The following MID1 variants were observed in gnomAD, a reference collection of about 807,000 sequenced individuals.
MID1 encodes E3 ubiquitin-protein ligase Midline-1.
MID1 carries 7 observed loss-of-function variants against 40.4 expected under a neutral mutation model. The observed-to-expected ratio is 0.17, with a 90% confidence interval of 0.10 to 0.33. The LOEUF is 0.33. MID1 is among the 10% of genes least tolerant of loss of function. MID1 has a pLI of 1.00. For synonymous variants in MID1, 229 were observed against 221.2 expected, an observed-to-expected ratio of 1.04 and a Z score of -0.31; for missense variants, 367 against 558.5, an observed-to-expected ratio of 0.66 and a Z score of 3.46.
intron 3 of MID1, among the ~76,000 whole-genome samples, chrX:10,514,705 C>T (rs1018384937): frequency 2.7e-5 from 3 of 112,091 alleles, no homozygotes; most frequent in Non-Finnish European, 5.6e-5. Flanking sequence ...ACCAACAGTT[C>T]TTTTCTCCTT....
chrX:10,663,050 G>C lies in MID1; in HGVS notation c.-186-42631C>G, dbSNP rs779115410. ...TCTTTTTAAACTGTAACAATTAAAA[G>C]CATTTTGTGAGTGACCTAGGAACAC... On this transcript the variant is annotated intron_variant, in intron 1 of 10. Coordinates refer to the MID1 transcript ENST00000380785. Among the ~76,000 whole-genome samples, 4 of 111,894 alleles carry C rather than the reference G, an allele frequency of 3.6e-5. No individual in the cohort carries two copies. The South Asian group carries it at 1.5e-3, about 42-fold the overall frequency.
At chrX:10,832,142 C>T (rs964577871) in intron 1 of MID1, among the ~76,000 whole-genome samples, 5 of 112,554 alleles carry the variant, frequency 4.4e-5, no homozygotes, top group African/African-American at 1.6e-4. Context: ...ATTTTATTTA[C>T]TAAAGTGTCT....
intron 2 of MID1, among the ~76,000 whole-genome samples, chrX:10,563,983 T>C (rs1402568243): frequency 8.9e-6 from 1 of 112,481 alleles, no homozygotes; most frequent in African/African-American, 3.2e-5. Flanking sequence ...ATTGCAGAAT[T>C]CCCTTCTTCA....
At chrX:10,639,987 G>A (rs1017672957) in intron 1 of MID1, among the ~76,000 whole-genome samples, 1 of 111,486 alleles carries the variant, frequency 9.0e-6, no homozygotes, top group Non-Finnish European at 1.9e-5. Context: ...TCACCACCAG[G>A]CCTGCCTTAC....
chrX:10,643,271 A>G (rs979910241), intron 1 of MID1, among the ~76,000 whole-genome samples: 1 of 111,755 alleles, frequency 8.9e-6, no homozygotes, highest in African/African-American at 3.3e-5. Context: ...CCCATCTGAC[A>G]AAGGGCTAAT....
At chrX:10,734,417 CAGAAA>C (rs996374797) in intron 1 of MID1, among the ~76,000 whole-genome samples, 29 of 110,072 alleles carry the variant, frequency 2.6e-4, no homozygotes, top group Non-Finnish European at 3.6e-4. Context: ...GGGAGAGGAG[CAGAAA>C]AGAAAACTAT....
chrX:10,600,752 A>T (rs1935504284), intron 1 of MID1, among the ~76,000 whole-genome samples: 1 of 112,179 alleles, frequency 8.9e-6, no homozygotes, highest in South Asian at 3.7e-4. Context: ...TCTTTCTGTA[A>T]ATTACTTGTC....
rs991288942 is a variant in MID1 at position 10,792,726 on chromosome X, G to T, written c.-187+40828C>A. Among the ~76,000 whole-genome samples, 7 of 111,474 alleles carry T rather than the reference G, an allele frequency of 6.3e-5. No homozygotes were observed. In the East Asian group the frequency reaches 2.0e-3, roughly 31 times the overall value. On this transcript the variant is annotated intron_variant, in intron 1 of 10. Coordinates refer to the MID1 transcript ENST00000380785. The stretch of plus-strand genomic sequence containing the variant: ...AAAAAGCAGCTTAGTGGTTGCCAGG[G>T]GCTAGGGACGGGGAAGTGGGGAGTG...
Position 10,573,824 on chromosome X carries a change from G to A in MID1, c.-56-6221C>T, listed in dbSNP as rs185260091. ...GTCGAGAACCCCTTTCTGGAACCCG[G>A]TTTAGCACTGACAGTTCTTTGCTTC... is the stretch of plus-strand genomic sequence containing the variant. On this transcript the variant is annotated intron_variant, in intron 1 of 9. Coordinates refer to ENST00000317552, the MANE Select transcript of MID1 (RefSeq NM_000381.4). 1.5e-3 allele frequency among the ~76,000 whole-genome samples: 167 copies of A among 111,781 alleles called. 1 individual carries two copies. Among genetic ancestry groups the A allele is most frequent in the African/African-American group, 5.1e-3 (157 of 30,773 alleles).
At chrX:10,774,027 G>A (rs928263483) in intron 1 of MID1, among the ~76,000 whole-genome samples, 2 of 111,993 alleles carry the variant, frequency 1.8e-5, no homozygotes, top group African/African-American at 6.5e-5. Context: ...GAGTTTCAGA[G>A]TCACTCTTAA....
At chrX:10,550,746 G>T (rs1184540965) in intron 2 of MID1, among the ~76,000 whole-genome samples, 2 of 111,521 alleles carry the variant, frequency 1.8e-5, no homozygotes, top group Non-Finnish European at 3.8e-5. Context: ...TATCTGTCTG[G>T]GGGGCTGTTC....
chrX:10,565,002 TAAAAAA>T lies in MID1; in HGVS notation c.660+1880_660+1885del, dbSNP rs5901437. On this transcript the variant is annotated intron_variant, in intron 2 of 9. Transcript: ENST00000317552. ...GCTCCACCACCAACCAAAAAAGGGG[TAAAAAA>T]AAAAAAAAAAAAAAAGATTACCTTG... Among the ~76,000 whole-genome samples, 42 of 77,922 alleles carry T rather than the reference TAAAAAA, an allele frequency of 5.4e-4. 1 individual carries two copies. The highest frequency in any genetic ancestry group is 1.9e-3 in the African/African-American group (41 of 21,681). The allele number at this position is 77,922 out of a possible 115,157, so 67.7% of individuals were successfully genotyped here. A position where few individuals can be genotyped will look rare whatever the true frequency, so the allele number is the denominator to read the frequency against.
chrX:10,565,532 C>T (rs1438966773), intron 2 of MID1: 1 of 328,137 alleles, frequency 3.0e-6, no homozygotes, highest in Non-Finnish European at 5.9e-6. Flanking sequence ...CTCTTTTGAT[C>T]ATGTGATTCA....
intron 1 of MID1, among the ~76,000 whole-genome samples, chrX:10,781,241 A>G (rs965554459): frequency 8.9e-6 from 1 of 112,078 alleles, no homozygotes; most frequent in Non-Finnish European, 1.9e-5. Context: ...CACTTTTAAA[A>G]AAGTGTAAGG....
At chrX:10,739,001 C>T (rs1445797545) in intron 1 of MID1, among the ~76,000 whole-genome samples, 1 of 109,909 alleles carries the variant, frequency 9.1e-6, no homozygotes, top group Admixed American at 9.7e-5. Context: ...AAACTCTCAT[C>T]CTGTGTACCA....
chrX:10,751,041 G>T (rs181793652), intron 1 of MID1, among the ~76,000 whole-genome samples: 8 of 110,817 alleles, frequency 7.2e-5, no homozygotes, highest in Non-Finnish European at 1.3e-4. Context: ...GAGACAGGCG[G>T]ATCACTTGGG....
At chrX:10,737,414 G>A (rs1399710009) in intron 1 of MID1, among the ~76,000 whole-genome samples, 1 of 112,743 alleles carries the variant, frequency 8.9e-6, no homozygotes, top group Non-Finnish European at 1.9e-5. Flanking sequence ...TGCTGCCCCA[G>A]TTGCCATGTT....
chrX:10,790,610 G>A (rs2043923595), intron 1 of MID1, among the ~76,000 whole-genome samples: 1 of 111,106 alleles, frequency 9.0e-6, no homozygotes, highest in Admixed American at 9.6e-5. Context: ...CTCTCAGTAA[G>A]CCCTGGTGCC....
intron 1 of MID1, among the ~76,000 whole-genome samples, chrX:10,755,103 T>G (rs1281942089): frequency 8.9e-6 from 1 of 111,867 alleles, no homozygotes; most frequent in Admixed American, 9.5e-5. Context: ...CCTATTTAGC[T>G]AGTTATAAGT....
Sources: gnomAD v4.1 joint callset for allele counts (sites outside exome capture counted in the v4.1 genomes callset) on GRCh38, gnomAD v4.1.1 for gene constraint, MANE v1.5 for transcripts, NCBI Gene and HGNC (gene_info 2026-07-23, HGNC 2026-07-21) for gene names.